Variants in QTGAL observed in about 807,000 individuals in gnomAD.
QTGAL encodes BGnT-like protein 1.
At chr17:82,989,153 T>C in the QTGAL span, among the ~76,000 whole-genome samples, 1 of 152,212 alleles carries the variant, frequency 6.6e-6, no homozygotes, top group Non-Finnish European at 1.5e-5. Flanking sequence ...TACCATGGAA[T>C]ATTATGTAGT....
chr17:83,018,522 A>G, the QTGAL span, among the ~76,000 whole-genome samples: 6 of 152,156 alleles, frequency 3.9e-5, no homozygotes, highest in Admixed American at 3.9e-4. Context: ...TATTATCTCT[A>G]TTTTGTAGCC....
the QTGAL span, among the ~76,000 whole-genome samples, chr17:82,992,782 T>C: frequency 4.6e-5 from 7 of 152,092 alleles, no homozygotes; most frequent in African/African-American, 1.7e-4. Context: ...CAATAAGATA[T>C]AAATAGAAAC....
the QTGAL span, among the ~76,000 whole-genome samples, chr17:82,976,193 C>G: frequency 1.8e-5 from 1 of 57,042 alleles, no homozygotes; most frequent in Non-Finnish European, 3.5e-5. Flanking sequence ...GGACCAGAGG[C>G]CACTATGGAG....
At chr17:83,024,432 C>T in the QTGAL span, among the ~76,000 whole-genome samples, 78 of 152,380 alleles carry the variant, frequency 5.1e-4, no homozygotes, top group South Asian at 4.8e-3. Flanking sequence ...CGCGAGACCA[C>T]GCACAAGACA....
chr17:83,041,950 G>A, the QTGAL span, among the ~76,000 whole-genome samples: 1 of 152,122 alleles, frequency 6.6e-6, no homozygotes, highest in Non-Finnish European at 1.5e-5. Flanking sequence ...GAAATGAAAG[G>A]GCACTAAACA....
At chr17:82,953,905 A>G in the QTGAL span, among the ~76,000 whole-genome samples, 1 of 152,270 alleles carries the variant, frequency 6.6e-6, no homozygotes, top group African/African-American at 2.4e-5. Flanking sequence ...AGACCACATG[A>G]TTATCTCAAC....
the QTGAL span, among the ~76,000 whole-genome samples, chr17:83,024,979 C>T: frequency 6.6e-6 from 1 of 152,224 alleles, no homozygotes; most frequent in Non-Finnish European, 1.5e-5. Context: ...AGCAAGACGT[C>T]CCCCAAGGTC....
the QTGAL span, among the ~76,000 whole-genome samples, chr17:83,019,376 G>A: frequency 1.3e-4 from 20 of 152,142 alleles, no homozygotes; most frequent in Admixed American, 9.8e-4. Flanking sequence ...AAATTATCAC[G>A]CACAAAATAT....
the QTGAL span, among the ~76,000 whole-genome samples, chr17:82,990,782 T>C: frequency 1.3e-5 from 2 of 152,138 alleles, no homozygotes; most frequent in Non-Finnish European, 2.9e-5. Context: ...GGGAGATGAT[T>C]AGATTTCACG....
chr17:82,979,564 G>A, the QTGAL span, among the ~76,000 whole-genome samples: 4 of 152,302 alleles, frequency 2.6e-5, no homozygotes, highest in African/African-American at 9.6e-5. Context: ...TCTAACAAAT[G>A]TACAGGACTT....
At chr17:83,041,841 A>G in the QTGAL span, among the ~76,000 whole-genome samples, 2 of 152,232 alleles carry the variant, frequency 1.3e-5, no homozygotes, top group South Asian at 2.1e-4. Flanking sequence ...AACACTGTCA[A>G]TTATGAATCC....
At chr17:83,009,926 C>T in the QTGAL span, among the ~76,000 whole-genome samples, 4 of 146,118 alleles carry the variant, frequency 2.7e-5, no homozygotes, top group Non-Finnish European at 6.1e-5. Flanking sequence ...AACGACTTGC[C>T]GTCCACTGCT....
chr17:83,027,642 C>T, the QTGAL span, among the ~76,000 whole-genome samples: 2 of 127,210 alleles, frequency 1.6e-5, no homozygotes, highest in Non-Finnish European at 3.1e-5. Flanking sequence ...GCTGAGGCTA[C>T]AGTGAGTCGA....
chr17:82,942,887 G>A, the QTGAL span: 1 of 241,946 alleles, frequency 4.1e-6, no homozygotes, highest in Non-Finnish European at 8.0e-6. Flanking sequence ...ACCCAGTCTT[G>A]GAGAGAGATG....
the QTGAL span, among the ~76,000 whole-genome samples, chr17:83,033,695 T>A: frequency 2.0e-5 from 3 of 151,880 alleles, no homozygotes; most frequent in African/African-American, 4.8e-5. Context: ...ATGGTCTCAA[T>A]CTCCTGACCT....
At chr17:82,980,000 G>A in the QTGAL span, among the ~76,000 whole-genome samples, 1 of 152,154 alleles carries the variant, frequency 6.6e-6, no homozygotes, top group African/African-American at 2.4e-5. Context: ...AATCAGTGTA[G>A]AAACATGTGG....
the QTGAL span, chr17:82,949,061 T>C: frequency 6.6e-6 from 1 of 152,154 alleles, no homozygotes; most frequent in African/African-American, 2.4e-5. Context: ...ATGAAAATAA[T>C]AATTTACTGA....
chr17:82,985,730 C>T, the QTGAL span, among the ~76,000 whole-genome samples: 1 of 152,162 alleles, frequency 6.6e-6, no homozygotes, highest in Non-Finnish European at 1.5e-5. Context: ...AATCAGGAGC[C>T]CAGGGTTGAT....
chr17:83,008,316 G>A, the QTGAL span, among the ~76,000 whole-genome samples: 2 of 152,266 alleles, frequency 1.3e-5, no homozygotes, highest in Non-Finnish European at 2.9e-5. Context: ...GAAAGCCTCT[G>A]TGCCAACAGG....
Sources: allele counts gnomAD v4.1 joint callset (sites outside exome capture counted in the v4.1 genomes callset), GRCh38; gene constraint gnomAD v4.1.1; transcripts MANE v1.5; gene names NCBI Gene and HGNC (gene_info 2026-07-23, HGNC 2026-07-21).